The following HDAC5 variants were observed in gnomAD, a reference collection of about 807,000 sequenced individuals.
HDAC5 encodes antigen NY-CO-9.
A neutral mutation model predicts 133.3 loss-of-function variants in HDAC5; 25 were observed. The observed-to-expected ratio is 0.19, with a 90% CI of 0.14 to 0.26. The LOEUF is 0.26. Ranked by LOEUF, HDAC5 falls within the 10% of genes least tolerant of loss-of-function variation. The probability of loss-of-function intolerance (pLI) is 1.00; values close to 1 mark genes in which losing one functional copy is unlikely to be tolerated. For synonymous variants in HDAC5, 589 were observed against 610.8 expected (o/e 0.96, Z 0.53); for missense variants, 1,041 against 1,460.5 (o/e 0.71, Z 4.68).
intron 3 of HDAC5, among the ~76,000 whole-genome samples, chr17:44,106,747 C>T (rs988291915): frequency 4.0e-5 from 6 of 151,568 alleles, no homozygotes; most frequent in Non-Finnish European, 8.8e-5. Context: ...TGCACCACGT[C>T]GGCTAATTTT....
chr17:44,117,461 C>G lies in HDAC5; in HGVS notation c.22+33G>C. 6.2e-7 allele frequency: 1 copy of G among 1,613,676 alleles called. No individual in the cohort carries two copies. The highest frequency in any genetic ancestry group is 8.5e-7 in the Non-Finnish European group (1 of 1,179,576). On this transcript the variant is annotated intron_variant, in intron 2 of 26. Transcript: ENST00000682912. The surrounding 1 kb of genome is among the most constrained non-coding windows in gnomAD (Gnocchi z 4.2). Reference sequence around the variant, plus strand: ...CAGCCCATTGCATCCGAAGCTACCCCAGGGTGCTCTTCTCCAACCTCCCAG... The same window carrying G: ...CAGCCCATTGCATCCGAAGCTACCCGAGGGTGCTCTTCTCCAACCTCCCAG...
chr17:44,112,055 C>G (rs1161397302), intron 2 of HDAC5, among the ~76,000 whole-genome samples: 1 of 152,108 alleles, frequency 6.6e-6, no homozygotes, highest in African/African-American at 2.4e-5. Context: ...TGAAGTCACT[C>G]ACCCTAGGTC....
chr17:44,088,310 G>A (rs2050767562), intron 12 of HDAC5, 77 bp downstream of exon 12: 2 of 1,499,272 alleles, frequency 1.3e-6, no homozygotes, highest in Non-Finnish European at 1.8e-6. Flanking sequence ...CTGAAAGGAG[G>A]ACTTTTCTGC....
intron 1 of HDAC5, among the ~76,000 whole-genome samples, chr17:44,122,198 T>C (rs2053052257): frequency 1.3e-5 from 2 of 152,000 alleles, no homozygotes; most frequent in African/African-American, 4.8e-5. Flanking sequence ...ACAGCCAGCA[T>C]AGGCTCAGGG....
At position 44,078,989 on chromosome 17, in the gene HDAC5, G is replaced by A. The variant is rs186397721; in HGVS notation, c.3079-110C>T. Reference sequence around the variant, plus strand: ...ATCCCTCACAACAGGGGCAAACATGGCCTTTTTGGACAAACGCATACTCAG... The same window carrying A: ...ATCCCTCACAACAGGGGCAAACATGACCTTTTTGGACAAACGCATACTCAG... On this transcript the variant is annotated intron_variant, in intron 24 of 26. Coordinates refer to ENST00000682912, the MANE Select transcript of HDAC5 (RefSeq NM_005474.5). 1.2e-4 allele frequency: 183 copies of A among 1,517,578 alleles called. 3 individuals carry two copies. Among genetic ancestry groups the A allele is most frequent in the East Asian group, 1.1e-3 (47 of 44,110 alleles). The allele number at this position is 1,517,578 out of a possible 1,614,324, so 94.0% of individuals were successfully genotyped here.
At chr17:44,078,758 C>G in intron 25 of HDAC5, 37 bp downstream of exon 25, 2 of 1,612,390 alleles carry the variant, frequency 1.2e-6, no homozygotes, top group Non-Finnish European at 1.7e-6. Flanking sequence ...TCCGTGCCCC[C>G]TTGGCAGCCT....
chr17:44,106,447 G>A (rs1160131079), intron 3 of HDAC5, among the ~76,000 whole-genome samples: 1 of 152,192 alleles, frequency 6.6e-6, no homozygotes, highest in Non-Finnish European at 1.5e-5. Context: ...GGCTGTGTAG[G>A]TGGCATATTG....
rs774490459 is a variant in HDAC5, at chr17:44,093,359, C to T, written c.481G>A (p.Glu161Lys). Residue 161 changes from glutamate to lysine, a missense_variant, in exon 5 of 27, where the codon GAG becomes AAG. By Grantham distance (56) the Glu-to-Lys change is moderately conservative (BLOSUM62 1). Coordinates refer to ENST00000682912, the MANE Select transcript of HDAC5 (RefSeq NM_005474.5). ...TTCCGCAGGATGAGCAGCTGCTGCT[C>T]CAGCCGCTGCTTCTCCAGCTCTTCC... ...RQEELEKQRLEQQLLILRNKE... is the reference protein window; with the variant it reads ...RQEELEKQRLKQQLLILRNKE... 6.3e-7 allele frequency: 1 copy of T among 1,580,652 alleles called. No individual in the cohort carries two copies. Among genetic ancestry groups the T allele is most frequent in the Non-Finnish European group, 8.6e-7 (1 of 1,167,160 alleles).
chr17:44,078,936 C>A, intron 24 of HDAC5, 57 bp from the exon 25 acceptor site: 1 of 1,568,632 alleles, frequency 6.4e-7, no homozygotes, highest in South Asian at 1.1e-5. Flanking sequence ...CATGCATACC[C>A]CTCTAACTGC....
Position 44,091,323 on chromosome 17 carries a change from A to G in HDAC5, c.1334T>C (p.Leu445Pro), listed in dbSNP as rs1479044396. The G allele has an allele frequency of 1.2e-6, 2 of 1,611,156 alleles. No homozygotes were observed. The highest frequency in any genetic ancestry group is 2.2e-5 in the East Asian group (1 of 44,850). ...CTGCTCCAGCAACAGCACATGCTGC[A>G]GCAGGGAGGCATGCCCGTGGGGGCT... ...DGSPHGHASL[L>P]QHVLLLEQAR... The change falls in exon 11 of 27, where the codon CTG (leucine) becomes CCG (proline). Residue 445 changes from leucine (L) to proline (P), a missense_variant. Leu to Pro is a moderately conservative substitution (Grantham distance 98). Around this residue, in one of 9 missense-constraint regions of HDAC5, gnomAD observed 433 missense variants for 531.6 expected, o/e 0.81. Coordinates refer to ENST00000682912, the MANE Select transcript of HDAC5 (RefSeq NM_005474.5).
At chr17:44,080,919 G>C in intron 20 of HDAC5, 37 bp from the exon 21 acceptor site, 23 of 1,613,702 alleles carry the variant, frequency 1.4e-5, no homozygotes, top group Non-Finnish European at 1.9e-5. Context: ...AAAATGGCCC[G>C]CGCTCTGACC....
chr17:44,083,479 CCT>C, intron 18 of HDAC5, 64 bp downstream of exon 18: 3 of 1,169,822 alleles, frequency 2.6e-6, no homozygotes, highest in East Asian at 2.5e-5. Flanking sequence ...CAAGGCTGCC[CCT>C]GTCCTCTGCC....
rs776404235 is a variant in HDAC5, at chr17:44,093,383, C to CCTGCCGCTGCTGCTCCCG, written c.439_456dup (p.Arg147_Gln152dup). 1.8e-5 allele frequency: 28 copies of CCTGCCGCTGCTGCTCCCG among 1,586,668 alleles called. No individual in the cohort carries two copies. Among genetic ancestry groups the CCTGCCGCTGCTGCTCCCG allele is most frequent in the Admixed American group, 1.3e-4 (7 of 55,658 alleles). On this transcript the variant is annotated inframe_insertion, in exon 5 of 27. Coordinates refer to ENST00000682912, the MANE Select transcript of HDAC5 (RefSeq NM_005474.5). ...TCCAGCCGCTGCTTCTCCAGCTCTT[C>CCTGCCGCTGCTGCTCCCG]CTGCCGCTGCTGCTCCCGCTGCCGC...
chr17:44,079,485 C>T (rs186096453), intron 23 of HDAC5: 137 of 489,806 alleles, frequency 2.8e-4, no homozygotes, highest in African/African-American at 2.1e-3. Flanking sequence ...ACTAAAAATA[C>T]AATAATTAGC....
intron 23 of HDAC5, 48 bp downstream of exon 23, chr17:44,080,059 G>A (rs767411629): frequency 1.4e-5 from 19 of 1,337,672 alleles, no homozygotes; most frequent in East Asian, 1.4e-4. Context: ...CACTGGACTC[G>A]ATATCCTCAC....
chr17:44,093,168 C>G lies in HDAC5; in HGVS notation c.565G>C (p.Glu189Gln). ...TCCTTTGACTTCGACAAGAGGAATT[C>G]CTGGAGCCTCAGCTTTACCTCAGTG... ...ASTEVKLRLQ[E>Q]FLLSKSKEPT... is the part of the protein sequence containing the mutation. Residue 189 changes from glutamate to glutamine, a missense_variant, in exon 6 of 27, where the codon GAA becomes CAA. Coordinates refer to ENST00000682912, the MANE Select transcript of HDAC5 (RefSeq NM_005474.5). 1.2e-6 allele frequency: 2 copies of G among 1,613,788 alleles called. No individual in the cohort carries two copies. The highest frequency in any genetic ancestry group is 1.7e-6 in the Non-Finnish European group (2 of 1,179,820).
At position 44,082,800 on chromosome 17, in the gene HDAC5, C is replaced by T; in HGVS notation, c.2484G>A (p.Arg828=). The T allele has an allele frequency of 1.9e-6, 3 of 1,557,060 alleles. No individual in the cohort carries two copies. Among genetic ancestry groups the T allele is most frequent in the Non-Finnish European group, 2.6e-6 (3 of 1,149,702 alleles). The change falls in exon 19 of 27, where the codon CGG becomes CGA. Residue 828 remains arginine (R), a synonymous_variant. Coordinates refer to ENST00000682912, the MANE Select transcript of HDAC5 (RefSeq NM_005474.5). ...ATTCCTCGGCGTGGTGTCCTGGGGG[C>T]CGGATGATGGCAAATCCATTCTGAA... is the stretch of plus-strand genomic sequence containing the variant. ...GELKNGFAII[R]PPGHHAEEST...
chr17:44,108,757 AAAAAC>A (rs1184097120), intron 3 of HDAC5, among the ~76,000 whole-genome samples: 2 of 135,114 alleles, frequency 1.5e-5, no homozygotes, highest in Admixed American at 7.4e-5. Context: ...AGTCCAAAAA[AAAAAC>A]AAAAAAAAAA....
At chr17:44,114,914 A>G (rs935336246) in intron 2 of HDAC5, among the ~76,000 whole-genome samples, 7 of 152,224 alleles carry the variant, frequency 4.6e-5, no homozygotes, top group Non-Finnish European at 8.8e-5. Flanking sequence ...TGATTCCAAG[A>G]CTGCAAAAGA....
Sources: gnomAD v4.1 joint callset for allele counts (sites outside exome capture counted in the v4.1 genomes callset) on GRCh38, gnomAD v4.1.1 for gene constraint, gnomAD v4.1.1 regional missense constraint, Gnocchi (gnomAD v3.1) non-coding constraint, MANE v1.5 for transcripts, NCBI Gene and HGNC (gene_info 2026-07-23, HGNC 2026-07-21) for gene names.